WNK1: variants seen among roughly 807,000 people sequenced by gnomAD.
The protein encoded by WNK1 is serine/threonine-protein kinase WNK1.
A neutral mutation model predicts 222.8 loss-of-function variants in WNK1; 38 were observed. The observed-to-expected ratio is 0.17, with a 90% CI of 0.13 to 0.22. The LOEUF (loss-of-function observed/expected upper bound fraction) is 0.22, where lower values mean the gene tolerates loss of function less well. Among genes scored for constraint, WNK1 ranks in the 10% least tolerant of loss-of-function variants. WNK1 has a pLI of 1.00. For synonymous variants in WNK1, 1,090 were observed against 1,092.9 expected, an observed-to-expected ratio of 1.00 and a Z score of 0.05; for missense variants, 2,348 against 2,918.4, an observed-to-expected ratio of 0.80 and a Z score of 4.50.
At chr12:837,575 A>AG (rs1949288696) in intron 4 of WNK1, among the ~76,000 whole-genome samples, 1 of 132,906 alleles carries the variant, frequency 7.5e-6, no homozygotes, top group Non-Finnish European at 1.7e-5. Context: ...CCCTGTCTAA[A>AG]AAAAAAAAAA....
At chr12:870,222 G>T (rs1011076754) in intron 8 of WNK1, among the ~76,000 whole-genome samples, 25 of 152,126 alleles carry the variant, frequency 1.6e-4, no homozygotes, top group African/African-American at 6.0e-4. Flanking sequence ...GACACAAAAA[G>T]ATCCAGAAGC....
At chr12:817,834 TC>T (rs925016076) in intron 2 of WNK1, among the ~76,000 whole-genome samples, 1 of 85,644 alleles carries the variant, frequency 1.2e-5, no homozygotes, top group African/African-American at 3.8e-5. Context: ...GCGCCTGTAA[TC>T]CCAGCTACCC....
chr12:790,260 T>A (rs1225141047), intron 1 of WNK1, among the ~76,000 whole-genome samples: 1 of 152,192 alleles, frequency 6.6e-6, no homozygotes, highest in Non-Finnish European at 1.5e-5. Flanking sequence ...CATGTTTTTA[T>A]TTTTTATTAC....
At chr12:791,521 T>C (rs775641459) in intron 1 of WNK1, among the ~76,000 whole-genome samples, 1 of 151,924 alleles carries the variant, frequency 6.6e-6, no homozygotes, top group Non-Finnish European at 1.5e-5. Context: ...GGTTTCAGCT[T>C]ATACTTGACG....
At chr12:898,564 A>G (rs577192889) in intron 25 of WNK1, among the ~76,000 whole-genome samples, 70 of 151,822 alleles carry the variant, frequency 4.6e-4, no homozygotes, top group African/African-American at 1.7e-3. Context: ...AATGTAGTAT[A>G]TATATATATT....
At chr12:785,427 T>G (rs1944196613) in intron 1 of WNK1, among the ~76,000 whole-genome samples, 1 of 96,402 alleles carries the variant, frequency 1.0e-5, no homozygotes, top group Admixed American at 1.7e-4. Flanking sequence ...CGAAGTGGAG[T>G]CTTGCTCTGT....
intron 8 of WNK1, chr12:867,840 T>TA (rs757794459): frequency 6.2e-7 from 1 of 1,612,398 alleles, no homozygotes. Flanking sequence ...ATGTATGAAT[T>TA]ACTTGTCTTA....
rs1292255174 is a variant in WNK1, at chr12:859,250, C to T, written c.1406C>T (p.Ser469Phe). ...CTTTTCCCTCTGTTTGGAAGATATT[C>T]CATCAAAGACCTTTTGAACCATGCC... ...CIRQNKDERY[S>F]IKDLLNHAFF... is the part of the protein sequence containing the mutation. Residue 469 changes from serine (S) to phenylalanine (F), a missense_variant, in exon 6 of 28, where the codon TCC (serine) becomes TTC (phenylalanine). Ser to Phe is a radical substitution (Grantham distance 155). This residue lies in a region of WNK1 where 37 missense variants were observed against 102.8 expected (regional missense o/e 0.36). Transcript: ENST00000315939. The T allele has an allele frequency of 6.2e-7, 1 of 1,611,034 alleles. No homozygotes were observed. The highest frequency in any genetic ancestry group is 1.3e-5 in the African/African-American group (1 of 74,772).
intron 1 of WNK1, among the ~76,000 whole-genome samples, chr12:757,675 C>T (rs984268745): frequency 8.3e-6 from 1 of 120,166 alleles, no homozygotes; most frequent in African/African-American, 2.6e-5. Flanking sequence ...GCTCTATCTG[C>T]AGAGTTTACA....
At chr12:860,251 C>A (rs963786517) in intron 6 of WNK1, among the ~76,000 whole-genome samples, 1 of 152,130 alleles carries the variant, frequency 6.6e-6, no homozygotes, top group Non-Finnish European at 1.5e-5. Context: ...GACATAGGAC[C>A]ATGAATTGTT....
intron 5 of WNK1, among the ~76,000 whole-genome samples, chr12:858,604 A>G (rs1293136201): frequency 6.6e-6 from 1 of 152,204 alleles, no homozygotes; most frequent in African/African-American, 2.4e-5. Flanking sequence ...TTATTGAACA[A>G]GGAATTAAGA....
intron 1 of WNK1, among the ~76,000 whole-genome samples, chr12:804,119 A>G (rs1342736322): frequency 6.6e-6 from 1 of 152,230 alleles, no homozygotes; most frequent in Non-Finnish European, 1.5e-5. Flanking sequence ...TATAAGAAGC[A>G]GAACAGTATC....
At position 908,861 on chromosome 12, in the gene WNK1, G is replaced by GGGGGGGGGTGCC; in HGVS notation, c.*69_*70insGGGGGGGGTGCC. ...ATGCTGAGGGGGTGGGTGGGGGTGGGAAGTAGCCTATATACTAACTACTAG... is the reference window on the plus strand; with the variant it reads ...ATGCTGAGGGGGTGGGTGGGGGTGGGGGGGGGGGTGCCAAGTAGCCTATATACTAACTACTAG... On this transcript the variant is annotated 3_prime_UTR_variant, in exon 28 of 28. Transcript: ENST00000315939. The GGGGGGGGGTGCC allele has an allele frequency of 2.0e-6, 1 of 491,846 alleles. No homozygotes were observed. Among genetic ancestry groups the GGGGGGGGGTGCC allele is most frequent in the East Asian group, 6.0e-5 (1 of 16,748 alleles). The allele number at this position is 491,846 out of a possible 1,614,324, so 30.5% of individuals were successfully genotyped here.
At chr12:806,923 G>T (rs908908963) in intron 1 of WNK1, among the ~76,000 whole-genome samples, 7 of 152,112 alleles carry the variant, frequency 4.6e-5, no homozygotes, top group Non-Finnish European at 1.0e-4. Context: ...TCAGTTGCAG[G>T]TTGCATTTGT....
At chr12:816,216 T>C (rs1174146573) in intron 2 of WNK1, among the ~76,000 whole-genome samples, 2 of 152,166 alleles carry the variant, frequency 1.3e-5, no homozygotes, top group Non-Finnish European at 2.9e-5. Context: ...CTATGAAAAA[T>C]AGAAATTCAC....
intron 8 of WNK1, chr12:868,163 T>A: frequency 1.9e-6 from 3 of 1,613,754 alleles, no homozygotes; most frequent in Non-Finnish European, 2.5e-6. Context: ...AACTGGAGAG[T>A]CATGTGAGAT....
At chr12:862,019 G>GAACC (rs1163480190) in intron 7 of WNK1, 64 bp from the exon 8 acceptor site, 10 of 1,585,558 alleles carry the variant, frequency 6.3e-6, no homozygotes, top group Non-Finnish European at 7.8e-6. Context: ...GAGAAAATGT[G>GAACC]AACCTCCATT....
At position 881,998 on chromosome 12, in the gene WNK1, A is replaced by G. The variant is rs1354349582; in HGVS notation, c.3297A>G (p.Lys1099=). 6.2e-7 allele frequency: 1 copy of G among 1,614,072 alleles called. No homozygotes were observed. Among genetic ancestry groups the G allele is most frequent in the African/African-American group, 1.3e-5 (1 of 74,930 alleles). Residue 1099 remains lysine, a synonymous_variant, in exon 14 of 28, where the codon AAA becomes AAG. Coordinates refer to ENST00000315939, the MANE Select transcript of WNK1 (RefSeq NM_018979.4). ...GAAGGCATGAAGGAAGAACTACAAAACGGCATTACCGAAAATCTGTAAGGA... is the reference window on the plus strand; with the variant it reads ...GAAGGCATGAAGGAAGAACTACAAAGCGGCATTACCGAAAATCTGTAAGGA... ...SSGRHEGRTT[K]RHYRKSVRSR...
At position 884,082 on chromosome 12, in the gene WNK1, A is replaced by C. The variant is rs781766924; in HGVS notation, c.3722-39A>C. On this transcript the variant is annotated intron_variant, in intron 17 of 27. Transcript: ENST00000315939. The surrounding 1 kb of genome is among the most constrained non-coding windows in gnomAD (Gnocchi z 5.6). The stretch of plus-strand genomic sequence containing the variant: ...AAGTCTAACAATATTTATAATAATA[A>C]TGCTATTAAGTTACGTTTGTTTGTT... 6.2e-6 allele frequency: 10 copies of C among 1,613,180 alleles called. 1 individual carries two copies. In the South Asian group the frequency reaches 1.1e-4, roughly 18 times the overall value.
Sources: allele counts gnomAD v4.1 joint callset (sites outside exome capture counted in the v4.1 genomes callset), GRCh38; gene constraint gnomAD v4.1.1; regional missense constraint gnomAD v4.1.1; non-coding constraint Gnocchi (gnomAD v3.1); transcripts MANE v1.5; gene names NCBI Gene and HGNC (gene_info 2026-07-23, HGNC 2026-07-21).